The following DLG2 variants were observed in gnomAD, a reference collection of about 807,000 sequenced individuals.
DLG2 encodes disks large homolog 2.
DLG2 carries 45 observed loss-of-function variants against 132.5 expected under a neutral mutation model. The observed-to-expected ratio is 0.34, with a 90% CI of 0.27 to 0.44. DLG2 has a LOEUF of 0.44. Among genes scored for constraint, DLG2 ranks in the 20% least tolerant of loss-of-function variants. The pLI, the probability that DLG2 is intolerant of heterozygous loss-of-function variation, is 1.00. For synonymous variants in DLG2, 424 were observed against 419.6 expected, an observed-to-expected ratio of 1.01 and a Z score of -0.13; for missense variants, 1,045 against 1,196.9, an observed-to-expected ratio of 0.87 and a Z score of 1.87.
chr11:85,428,796 A>C (rs1199094675), intron 3 of DLG2, among the ~76,000 whole-genome samples: 2 of 152,202 alleles, frequency 1.3e-5, no homozygotes, highest in Admixed American at 1.3e-4. Flanking sequence ...ACTGAAGGAG[A>C]TAGAGACACA....
At chr11:84,115,634 T>C (rs2093598949) in intron 9 of DLG2, among the ~76,000 whole-genome samples, 5 of 152,226 alleles carry the variant, frequency 3.3e-5, no homozygotes, top group Admixed American at 3.3e-4. Flanking sequence ...AGACTTTGTA[T>C]TTGCTCTTAT....
At chr11:84,166,212 A>AC (rs909408444) in intron 8 of DLG2, among the ~76,000 whole-genome samples, 35 of 151,684 alleles carry the variant, frequency 2.3e-4, no homozygotes, top group African/African-American at 7.5e-4. Context: ...AACTAAGAAT[A>AC]CCCCCCCAGG....
chr11:83,945,491 A>C (rs1008159282), intron 14 of DLG2, among the ~76,000 whole-genome samples: 2 of 152,160 alleles, frequency 1.3e-5, no homozygotes, highest in African/African-American at 4.8e-5. Flanking sequence ...CTGAGCTCCT[A>C]AACTGTTGAT....
intron 7 of DLG2, among the ~76,000 whole-genome samples, chr11:84,374,720 G>C (rs2098722210): frequency 1.3e-5 from 2 of 152,048 alleles, no homozygotes. Flanking sequence ...TCCCTTCCCA[G>C]CTTCATTTTT....
At chr11:84,771,131 A>G (rs1013658089) in intron 6 of DLG2, among the ~76,000 whole-genome samples, 1 of 152,050 alleles carries the variant, frequency 6.6e-6, no homozygotes. Context: ...TTGGGTATAC[A>G]CTCAGTCGTG....
In DLG2 at chr11:84,071,263, T is replaced by A. The variant is rs554100890; in HGVS notation, c.750-11779A>T. Among the ~76,000 whole-genome samples, 164 of 151,982 alleles carry A rather than the reference T, an allele frequency of 1.1e-3. 1 individual carries two copies. The highest frequency in any genetic ancestry group is 1.9e-3 in the Admixed American group (29 of 15,254). On this transcript the variant is annotated intron_variant, in intron 10 of 27. Coordinates refer to ENST00000376104, the MANE Select transcript of DLG2 (RefSeq NM_001142699.3). Reference sequence around the variant, plus strand: ...CACACCATCACACTGGCTTTTTTTTTATTTTTATTTTTTGTATTTCTTGTA... The same window carrying A: ...CACACCATCACACTGGCTTTTTTTTAATTTTTATTTTTTGTATTTCTTGTA...
At chr11:85,047,432 A>T (rs1278172822) in intron 6 of DLG2, among the ~76,000 whole-genome samples, 1 of 152,014 alleles carries the variant, frequency 6.6e-6, no homozygotes, top group Non-Finnish European at 1.5e-5. Flanking sequence ...ATGTAGAGTC[A>T]TTGTACTAAA....
At chr11:84,980,871 T>G (rs1405780178) in intron 6 of DLG2, among the ~76,000 whole-genome samples, 1 of 152,184 alleles carries the variant, frequency 6.6e-6, no homozygotes, top group Non-Finnish European at 1.5e-5. Context: ...TGTTCCTCAC[T>G]TTGGTACATA....
intron 6 of DLG2, among the ~76,000 whole-genome samples, chr11:84,584,909 C>G (rs1024843487): frequency 2.0e-5 from 3 of 150,456 alleles, no homozygotes; most frequent in Non-Finnish European, 3.0e-5. Flanking sequence ...GGGATGGTCT[C>G]GATCTCCTGA....
At chr11:84,119,111 AGAAACATCTACCATAT>A (rs1490801910) in intron 9 of DLG2, among the ~76,000 whole-genome samples, 1 of 152,160 alleles carries the variant, frequency 6.6e-6, no homozygotes, top group Non-Finnish European at 1.5e-5. Context: ...CTCTCCCAGA[AGAAACATCTACCATAT>A]GGCAAAAGTG....
intron 9 of DLG2, among the ~76,000 whole-genome samples, chr11:84,111,816 C>G (rs987100402): frequency 6.6e-6 from 1 of 152,106 alleles, no homozygotes; most frequent in Non-Finnish European, 1.5e-5. Context: ...ACAATATTTC[C>G]CATTTTCCAT....
chr11:85,267,093 T>G (rs1246960168), intron 4 of DLG2, among the ~76,000 whole-genome samples: 9 of 152,222 alleles, frequency 5.9e-5, no homozygotes, highest in Non-Finnish European at 2.9e-5. Context: ...GAGATTCCAA[T>G]TCCCAATGTG....
At position 85,428,387 on chromosome 11, in the gene DLG2, C is replaced by T. The variant is rs1198981806; in HGVS notation, c.41-143022G>A. On this transcript the variant is annotated intron_variant, in intron 3 of 27. Coordinates refer to ENST00000376104, the MANE Select transcript of DLG2 (RefSeq NM_001142699.3). ...ACCACTTAGTCGGAAGTAAAGCACT[C>T]CTCAGCAAATGTAAAAGAACAAAAA... is the stretch of plus-strand genomic sequence containing the variant. 2.0e-5 allele frequency among the ~76,000 whole-genome samples: 3 copies of T among 152,206 alleles called. No individual in the cohort carries two copies. In the East Asian group the frequency reaches 5.8e-4, roughly 29 times the overall value.
At chr11:84,354,912 A>T (rs2098601969) in intron 7 of DLG2, among the ~76,000 whole-genome samples, 1 of 152,192 alleles carries the variant, frequency 6.6e-6, no homozygotes. Flanking sequence ...CCAACATCAG[A>T]GGGTATGGGA....
At chr11:83,995,279 G>A (rs925385097) in intron 11 of DLG2, among the ~76,000 whole-genome samples, 4 of 152,198 alleles carry the variant, frequency 2.6e-5, no homozygotes, top group South Asian at 4.1e-4. Flanking sequence ...AGAAAGGCAG[G>A]TTGTATCATG....
chr11:83,994,903 T>G lies in DLG2; in HGVS notation c.920-14261A>C, dbSNP rs1229476121. On this transcript the variant is annotated intron_variant, in intron 11 of 27. Coordinates refer to ENST00000376104, the MANE Select transcript of DLG2 (RefSeq NM_001142699.3). ...CTGGCAGTACTTGGCACTCCTTATCTCATAGATGCATCATCCCGATCTCAG... is the reference window on the plus strand; with the variant it reads ...CTGGCAGTACTTGGCACTCCTTATCGCATAGATGCATCATCCCGATCTCAG... Among the ~76,000 whole-genome samples the G allele has an allele frequency of 2.6e-5, 4 of 152,110 alleles. No homozygotes were observed. In the East Asian group the frequency reaches 7.8e-4, roughly 29 times the overall value.
At chr11:85,189,959 A>T (rs539165655) in intron 4 of DLG2, among the ~76,000 whole-genome samples, 1 of 152,232 alleles carries the variant, frequency 6.6e-6, no homozygotes, top group East Asian at 1.9e-4. Flanking sequence ...CCTTGACTGG[A>T]GGATGTATCT....
At chr11:85,391,810 G>A (rs566939479) in intron 3 of DLG2, among the ~76,000 whole-genome samples, 27 of 152,230 alleles carry the variant, frequency 1.8e-4, no homozygotes, top group Non-Finnish European at 3.8e-4. Context: ...AGCCATCTAT[G>A]ACAAACCCAC....
intron 11 of DLG2, among the ~76,000 whole-genome samples, chr11:84,018,858 A>G (rs949103975): frequency 6.6e-6 from 1 of 152,066 alleles, no homozygotes; most frequent in African/African-American, 2.4e-5. Flanking sequence ...TAAAAAAAAA[A>G]TGGGCAAGAC....
Sources: allele counts gnomAD v4.1 joint callset (sites outside exome capture counted in the v4.1 genomes callset), GRCh38; gene constraint gnomAD v4.1.1; transcripts MANE v1.5; gene names NCBI Gene and HGNC (gene_info 2026-07-23, HGNC 2026-07-21).